Variants in CDH18 observed in about 807,000 individuals in gnomAD.
CDH18 encodes the protein cadherin-18.
Under a neutral mutation model 67.9 loss-of-function variants are expected in CDH18, and 31 were observed. The observed-to-expected ratio is 0.46, with a 90% CI of 0.34 to 0.62. CDH18 has a LOEUF of 0.62. Ranked by LOEUF, CDH18 falls within the 20% of genes least tolerant of loss-of-function variation. The pLI is 0.01. For missense variants in CDH18, 890 were observed against 975.5 expected, an observed-to-expected ratio of 0.91 and a Z score of 1.17; for synonymous variants, 362 against 347.2, an observed-to-expected ratio of 1.04 and a Z score of -0.48.
At chr5:20,448,745 G>A (rs1382312826) in intron 1 of CDH18, among the ~76,000 whole-genome samples, 10 of 152,082 alleles carry the variant, frequency 6.6e-5, no homozygotes, top group African/African-American at 1.2e-4. Context: ...ATAAACAGAC[G>A]TCTGCAGGTG....
intron 2 of CDH18, among the ~76,000 whole-genome samples, chr5:19,953,813 A>C (rs921699410): frequency 2.6e-5 from 4 of 152,040 alleles, no homozygotes; most frequent in Non-Finnish European, 4.4e-5. Context: ...TCAAACTATG[A>C]GGTTGTTTTC....
At chr5:20,457,938 A>G (rs1388743910) in intron 1 of CDH18, among the ~76,000 whole-genome samples, 1 of 152,224 alleles carries the variant, frequency 6.6e-6, no homozygotes, top group Non-Finnish European at 1.5e-5. Flanking sequence ...ACAGTAAAAG[A>G]GAGAATGAAA....
At chr5:20,322,573 A>T (rs1160186988) in intron 1 of CDH18, among the ~76,000 whole-genome samples, 1 of 152,108 alleles carries the variant, frequency 6.6e-6, no homozygotes, top group Non-Finnish European at 1.5e-5. Flanking sequence ...AATAAATGAG[A>T]TTGTTTATAT....
intron 2 of CDH18, among the ~76,000 whole-genome samples, chr5:19,971,351 A>G (rs1432570691): frequency 2.6e-5 from 4 of 152,090 alleles, no homozygotes; most frequent in Admixed American, 2.0e-4. Context: ...GAATTCACAT[A>G]CATCACTTAT....
intron 1 of CDH18, among the ~76,000 whole-genome samples, chr5:20,328,563 T>C (rs1738845849): frequency 6.6e-6 from 1 of 152,084 alleles, no homozygotes; most frequent in Admixed American, 6.5e-5. Context: ...GGAGAATTTC[T>C]TTTAATAAAT....
intron 5 of CDH18, among the ~76,000 whole-genome samples, chr5:19,649,522 T>A (rs1475616307): frequency 6.6e-6 from 1 of 152,054 alleles, no homozygotes; most frequent in Non-Finnish European, 1.5e-5. Flanking sequence ...TTTTAACCAA[T>A]TGACTTATGT....
intron 2 of CDH18, among the ~76,000 whole-genome samples, chr5:19,876,075 A>G (rs1786962554): frequency 1.3e-5 from 2 of 152,128 alleles, no homozygotes; most frequent in African/African-American, 4.8e-5. Flanking sequence ...AGTCCTTGCC[A>G]AAGGGACATG....
chr5:20,092,845 G>T (rs977462838), intron 2 of CDH18, among the ~76,000 whole-genome samples: 2 of 152,084 alleles, frequency 1.3e-5, no homozygotes, highest in Non-Finnish European at 2.9e-5. Flanking sequence ...TGGGAAGAAT[G>T]ACTAGTGTAA....
chr5:19,572,944 T>C (rs1014211938), intron 7 of CDH18, among the ~76,000 whole-genome samples: 9 of 152,248 alleles, frequency 5.9e-5, no homozygotes, highest in African/African-American at 2.2e-4. Flanking sequence ...AAAATTGGCC[T>C]TCCCAGGGGT....
At chr5:19,795,297 C>T (rs1307132106) in intron 3 of CDH18, among the ~76,000 whole-genome samples, 1 of 152,162 alleles carries the variant, frequency 6.6e-6, no homozygotes, top group Non-Finnish European at 1.5e-5. Context: ...TGTTTGACTT[C>T]GTGGTGTCAT....
At chr5:20,395,257 T>C (rs780146215) in intron 1 of CDH18, among the ~76,000 whole-genome samples, 3 of 152,170 alleles carry the variant, frequency 2.0e-5, no homozygotes, top group Admixed American at 6.6e-5. Context: ...ATACTACTCA[T>C]CCCTAAAACA....
chr5:19,530,937 G>C (rs369030704), intron 9 of CDH18, among the ~76,000 whole-genome samples: 1 of 151,586 alleles, frequency 6.6e-6, no homozygotes, highest in Non-Finnish European at 1.5e-5. Context: ...GCTTCGGCTC[G>C]CGCATGGTGT....
At chr5:20,534,829 GTATTTATT>G (rs3039357) in intron 1 of CDH18, among the ~76,000 whole-genome samples, 11 of 148,014 alleles carry the variant, frequency 7.4e-5, no homozygotes, top group Admixed American at 5.4e-4. Flanking sequence ...CTAAATACAT[GTATTTATT>G]TATTTATTTA....
intron 1 of CDH18, among the ~76,000 whole-genome samples, chr5:20,521,019 T>C (rs763329805): frequency 1.3e-5 from 2 of 152,070 alleles, no homozygotes; most frequent in Non-Finnish European, 2.9e-5. Flanking sequence ...TGGGACTATA[T>C]CCACCTGGAG....
intron 1 of CDH18, among the ~76,000 whole-genome samples, chr5:20,532,893 CT>C (rs531235503): frequency 0.011 from 1,627 of 144,712 alleles, 29 homozygotes; most frequent in African/African-American, 0.035. Flanking sequence ...TTCATAAACT[CT>C]TTTTTTTTTT....
intron 3 of CDH18, among the ~76,000 whole-genome samples, chr5:19,810,021 A>T (rs1778473872): frequency 6.6e-6 from 1 of 152,114 alleles, no homozygotes; most frequent in South Asian, 2.1e-4. Flanking sequence ...GAAGAATTGA[A>T]GCAAGAAAAA....
intron 2 of CDH18, among the ~76,000 whole-genome samples, chr5:20,103,457 G>A (rs1315878600): frequency 6.6e-6 from 1 of 151,740 alleles, no homozygotes; most frequent in Non-Finnish European, 1.5e-5. Context: ...CTGGCGCAGT[G>A]ACTCATGCCT....
chr5:20,375,607 G>A (rs1022919277), intron 1 of CDH18, among the ~76,000 whole-genome samples: 1 of 152,116 alleles, frequency 6.6e-6, no homozygotes, highest in African/African-American at 2.4e-5. Flanking sequence ...TAGAGACTGC[G>A]CCTTTGCATC....
intron 5 of CDH18, among the ~76,000 whole-genome samples, chr5:19,618,268 C>T (rs534697276): frequency 2.6e-5 from 4 of 151,682 alleles, no homozygotes; most frequent in South Asian, 2.1e-4. Context: ...TGCAGAGGTG[C>T]GATATCTGCT....
Sources: allele counts gnomAD v4.1 joint callset (sites outside exome capture counted in the v4.1 genomes callset), GRCh38; gene constraint gnomAD v4.1.1; transcripts MANE v1.5; gene names NCBI Gene and HGNC (gene_info 2026-07-23, HGNC 2026-07-21).